KCNH7: variants seen among roughly 807,000 people sequenced by gnomAD.
The protein encoded by KCNH7 is potassium voltage-gated channel subfamily H member 7.
In KCNH7, 49 loss-of-function variants were observed where a neutral mutation model predicts 120.8. That is an observed-to-expected ratio of 0.41 (90% CI 0.32 to 0.51). KCNH7 has a LOEUF of 0.51. Ranked by LOEUF, KCNH7 falls within the 20% of genes least tolerant of loss-of-function variation. KCNH7 has a pLI of 0.38. For missense variants in KCNH7, 1,097 were observed against 1,446.6 expected (o/e 0.76, Z 3.92); for synonymous variants, 547 against 516.1 (o/e 1.06, Z -0.81).
At chr2:162,407,812 A>G (rs149054769) in intron 9 of KCNH7, among the ~76,000 whole-genome samples, 466 of 152,122 alleles carry the variant, frequency 3.1e-3, no homozygotes, top group African/African-American at 0.011. Flanking sequence ...ATTGTAGATG[A>G]CCTTAGCTTG....
At chr2:162,400,480 C>T in intron 9 of KCNH7, 39 bp from the exon 10 acceptor site, 1 of 1,598,706 alleles carries the variant, frequency 6.3e-7, no homozygotes, top group South Asian at 1.1e-5. Flanking sequence ...TACCAGTGTT[C>T]TGGGTATCTC....
intron 3 of KCNH7, among the ~76,000 whole-genome samples, chr2:162,530,193 G>T (rs773019805): frequency 1.1e-4 from 16 of 151,928 alleles, no homozygotes; most frequent in Non-Finnish European, 2.2e-4. Flanking sequence ...AATGTATGGA[G>T]CCCAATGTAT....
chr2:162,594,524 C>T (rs1694311296), intron 2 of KCNH7, among the ~76,000 whole-genome samples: 1 of 151,898 alleles, frequency 6.6e-6, no homozygotes, highest in Admixed American at 6.6e-5. Context: ...AAATATAGGC[C>T]AATATCTCTG....
chr2:162,644,128 T>C (rs1367804896), intron 2 of KCNH7, among the ~76,000 whole-genome samples: 4 of 151,822 alleles, frequency 2.6e-5, no homozygotes, highest in East Asian at 1.9e-4. Context: ...AGGAAGTCCT[T>C]TGGGCAAATT....
At chr2:162,444,713 C>T (rs370826681) in intron 7 of KCNH7, among the ~76,000 whole-genome samples, 85 of 152,110 alleles carry the variant, frequency 5.6e-4, no homozygotes, top group African/African-American at 1.8e-3. Flanking sequence ...TATTGTTCAT[C>T]AACATAAGCT....
Position 162,574,249 on chromosome 2 carries a change from C to T in KCNH7, c.308-37169G>A, listed in dbSNP as rs377231468. Among the ~76,000 whole-genome samples, 83 of 152,068 alleles carry T rather than the reference C, an allele frequency of 5.5e-4. 1 individual carries two copies. Among genetic ancestry groups the T allele is most frequent in the South Asian group, 4.1e-4 (2 of 4,820 alleles). ...AATGTTTAATACAATGCAAATGTGA[C>T]GGCTTGGGAGAGCTTGGGCTGTACA... On this transcript the variant is annotated intron_variant, in intron 2 of 15. Transcript: ENST00000332142.
At chr2:162,489,964 A>C (rs1183072308) in intron 6 of KCNH7, among the ~76,000 whole-genome samples, 2 of 152,256 alleles carry the variant, frequency 1.3e-5, no homozygotes, top group African/African-American at 4.8e-5. Flanking sequence ...TTGGCAATTC[A>C]AGATGAATTC....
At chr2:162,479,826 C>CT (rs1190126901) in intron 6 of KCNH7, among the ~76,000 whole-genome samples, 2 of 151,944 alleles carry the variant, frequency 1.3e-5, no homozygotes, top group East Asian at 1.9e-4. Context: ...CTCCTAATGC[C>CT]TTTTTTTAGT....
intron 9 of KCNH7, among the ~76,000 whole-genome samples, chr2:162,407,253 A>C (rs893331462): frequency 6.6e-6 from 1 of 152,004 alleles, no homozygotes; most frequent in Non-Finnish European, 1.5e-5. Flanking sequence ...GGGCAGAATA[A>C]AAACCTGTCA....
chr2:162,586,269 C>A (rs545585140), intron 2 of KCNH7, among the ~76,000 whole-genome samples: 1 of 152,162 alleles, frequency 6.6e-6, no homozygotes, highest in African/African-American at 2.4e-5. Flanking sequence ...TGACACTGTG[C>A]AACTTTTGAG....
intron 2 of KCNH7, among the ~76,000 whole-genome samples, chr2:162,745,908 A>G (rs1012685651): frequency 7.9e-5 from 12 of 152,014 alleles, no homozygotes; most frequent in South Asian, 2.1e-4. Flanking sequence ...AGTGTGTTGC[A>G]TGCTTTTTTT....
intron 2 of KCNH7, among the ~76,000 whole-genome samples, chr2:162,723,424 C>A (rs1161722216): frequency 6.6e-6 from 1 of 152,038 alleles, no homozygotes; most frequent in Non-Finnish European, 1.5e-5. Flanking sequence ...ATGTGGTATA[C>A]AAAGAAATAT....
chr2:162,679,960 C>G (rs1453031380), intron 2 of KCNH7, among the ~76,000 whole-genome samples: 1 of 150,986 alleles, frequency 6.6e-6, no homozygotes, highest in Non-Finnish European at 1.5e-5. Flanking sequence ...GGAACACACG[C>G]CATATTTAAA....
At chr2:162,685,731 G>C (rs1471555203) in intron 2 of KCNH7, among the ~76,000 whole-genome samples, 9 of 151,810 alleles carry the variant, frequency 5.9e-5, no homozygotes, top group Non-Finnish European at 1.2e-4. Context: ...AAAAAAGTCA[G>C]AGTGGGAAGT....
At chr2:162,511,401 A>G (rs1468392150) in intron 5 of KCNH7, among the ~76,000 whole-genome samples, 1 of 151,000 alleles carries the variant, frequency 6.6e-6, no homozygotes, top group Non-Finnish European at 1.5e-5. Context: ...TTGAGGTTAC[A>G]TTCTGAATTA....
rs756754134 is a variant in KCNH7 at position 162,687,103 on chromosome 2, G to A, written c.307+149434C>T. On this transcript the variant is annotated intron_variant, in intron 2 of 15. Coordinates refer to ENST00000332142, the MANE Select transcript of KCNH7 (RefSeq NM_033272.4). The stretch of plus-strand genomic sequence containing the variant: ...TAAAAATTCCCATTAGGAAAAATAC[G>A]GCTGGTAACACCCTCAGCCTTGACA... Among the ~76,000 whole-genome samples the A allele has an allele frequency of 7.2e-5, 11 of 152,018 alleles. No homozygotes were observed. In the East Asian group the frequency reaches 9.7e-4, roughly 13 times the overall value.
intron 2 of KCNH7, among the ~76,000 whole-genome samples, chr2:162,828,793 A>G (rs971221326): frequency 8.5e-5 from 13 of 152,152 alleles, no homozygotes; most frequent in African/African-American, 3.1e-4. Context: ...AACTAAAGGC[A>G]GAAATGTACC....
At chr2:162,801,886 AT>A (rs1684362588) in intron 2 of KCNH7, among the ~76,000 whole-genome samples, 2 of 151,796 alleles carry the variant, frequency 1.3e-5, no homozygotes, top group Admixed American at 6.6e-5. Context: ...TCAGTACATC[AT>A]TATGGCCCTG....
intron 2 of KCNH7, among the ~76,000 whole-genome samples, chr2:162,792,656 C>A (rs993842800): frequency 6.7e-5 from 10 of 148,228 alleles, no homozygotes; most frequent in Admixed American, 1.4e-4. Context: ...ATCCCCTTTG[C>A]GTTTATTTGA....
Sources: gnomAD v4.1 joint callset for allele counts (sites outside exome capture counted in the v4.1 genomes callset) on GRCh38, gnomAD v4.1.1 for gene constraint, MANE v1.5 for transcripts, NCBI Gene and HGNC (gene_info 2026-07-23, HGNC 2026-07-21) for gene names.